Variants in MAF observed in about 807,000 individuals in gnomAD.
MAF encodes transcription factor Maf.
In MAF, 10 loss-of-function variants were observed where a neutral mutation model predicts 22.0. The observed-to-expected ratio is 0.45, with a 90% CI of 0.28 to 0.77. The LOEUF (loss-of-function observed/expected upper bound fraction) is 0.77, where lower values mean the gene tolerates loss of function less well. Ranked by LOEUF, MAF falls within the 30% of genes least tolerant of loss-of-function variation. The probability of loss-of-function intolerance (pLI) is 0.12; values close to 1 mark genes in which losing one functional copy is unlikely to be tolerated. For synonymous variants in MAF, 337 were observed against 255.8 expected (o/e 1.32, Z -3.03); for missense variants, 544 against 548.4 (o/e 0.99, Z 0.08).
At chr16:79,350,319 T>C in the MAF span, among the ~76,000 whole-genome samples, 1 of 152,206 alleles carries the variant, frequency 6.6e-6, no homozygotes, top group Non-Finnish European at 1.5e-5. Flanking sequence ...CTGACTCATA[T>C]AGAACAATCC....
the MAF span, among the ~76,000 whole-genome samples, chr16:79,293,543 ATGAG>A: frequency 6.6e-6 from 1 of 152,156 alleles, no homozygotes; most frequent in Non-Finnish European, 1.5e-5. Flanking sequence ...TGTTTGTCAA[ATGAG>A]TGATGCTAGA....
Position 79,594,383 on chromosome 16 carries a change from G to C in MAF, c.*77C>G. 1 of 1,259,044 alleles carries C rather than the reference G, an allele frequency of 7.9e-7. No homozygotes were observed. The highest frequency in any genetic ancestry group is 1.1e-6 in the Non-Finnish European group (1 of 881,330). 78.0% of individuals were successfully genotyped at this position (1,259,044 alleles called of 1,614,324 possible). ...TAAAAAGGAGACTAAACAGAAGTCAGGGGTAGGTGGTTCTCCATGACTGCA... is the reference window on the plus strand; with the variant it reads ...TAAAAAGGAGACTAAACAGAAGTCACGGGTAGGTGGTTCTCCATGACTGCA... On this transcript the variant is annotated 3_prime_UTR_variant, in exon 2 of 2. Coordinates refer to ENST00000326043, the MANE Select transcript of MAF (RefSeq NM_005360.5).
At chr16:79,515,258 A>G in the MAF span, among the ~76,000 whole-genome samples, 1 of 152,220 alleles carries the variant, frequency 6.6e-6, no homozygotes, top group Non-Finnish European at 1.5e-5. Flanking sequence ...ATAATTGTCT[A>G]TGCTGGCGAT....
chr16:79,257,060 T>C, the MAF span, among the ~76,000 whole-genome samples: 1 of 152,022 alleles, frequency 6.6e-6, no homozygotes, highest in Non-Finnish European at 1.5e-5. Flanking sequence ...GCCTGTAGTC[T>C]TGGTTACTCG....
At chr16:79,569,825 G>A in the MAF span, among the ~76,000 whole-genome samples, 1 of 152,212 alleles carries the variant, frequency 6.6e-6, no homozygotes, top group Non-Finnish European at 1.5e-5. Flanking sequence ...CACCAACCTA[G>A]AGGGAGCTGT....
chr16:79,452,477 G>A, the MAF span, among the ~76,000 whole-genome samples: 5 of 152,138 alleles, frequency 3.3e-5, no homozygotes, highest in African/African-American at 1.2e-4. Flanking sequence ...TCCACTGTGT[G>A]CATGCAAATA....
the MAF span, among the ~76,000 whole-genome samples, chr16:79,481,976 T>C: frequency 6.6e-6 from 1 of 152,054 alleles, no homozygotes; most frequent in African/African-American, 2.4e-5. Context: ...CACCCTGGAA[T>C]TGGGAGAGAC....
chr16:79,598,054 A>G, intron 1 of MAF: 3 of 1,044,822 alleles, frequency 2.9e-6, no homozygotes, highest in South Asian at 4.6e-5. Context: ...AATGCTAAAA[A>G]AAAAACCCGA....
chr16:79,498,097 C>G, the MAF span, among the ~76,000 whole-genome samples: 2,971 of 152,306 alleles, frequency 0.02, 41 homozygotes, highest in Non-Finnish European at 0.028. Context: ...CTGTGGGACT[C>G]TTTTGCAGAA....
the MAF span, among the ~76,000 whole-genome samples, chr16:79,470,812 C>G: frequency 6.6e-6 from 1 of 152,190 alleles, no homozygotes; most frequent in African/African-American, 2.4e-5. Flanking sequence ...GAATGGATGA[C>G]TGAAGTTTAG....
At chr16:79,391,856 G>C in the MAF span, among the ~76,000 whole-genome samples, 1 of 150,888 alleles carries the variant, frequency 6.6e-6, no homozygotes, top group Non-Finnish European at 1.5e-5. Flanking sequence ...GAAAGAGAGA[G>C]AAGAAGGAGG....
the MAF span, among the ~76,000 whole-genome samples, chr16:79,499,584 G>T: frequency 3.3e-5 from 5 of 152,104 alleles, no homozygotes; most frequent in South Asian, 4.1e-4. Flanking sequence ...CATGAATGGG[G>T]TTAGTGCCTT....
At chr16:79,481,537 C>A in the MAF span, among the ~76,000 whole-genome samples, 390 of 152,178 alleles carry the variant, frequency 2.6e-3, 1 homozygote, top group South Asian at 5.4e-3. Context: ...TCAAATTCAT[C>A]CACCCATTGA....
chr16:79,441,250 C>G, the MAF span, among the ~76,000 whole-genome samples: 1 of 152,230 alleles, frequency 6.6e-6, no homozygotes, highest in African/African-American at 2.4e-5. Flanking sequence ...TACCTAATTT[C>G]TAAATGTTAC....
intron 1 of MAF, chr16:79,596,339 A>T: frequency 9.4e-7 from 1 of 1,059,738 alleles, no homozygotes; most frequent in East Asian, 5.2e-5. Flanking sequence ...TCACTTCAAA[A>T]AACAGCCTAT....
chr16:79,211,666 GAGGGATGTACT>G, the MAF span: 1 of 1,614,208 alleles, frequency 6.2e-7, no homozygotes, highest in African/African-American at 1.3e-5. Flanking sequence ...GAGGGTCTGG[GAGGGATGTACT>G]TCAACAACTG....
At chr16:79,470,185 G>A in the MAF span, among the ~76,000 whole-genome samples, 38 of 152,316 alleles carry the variant, frequency 2.5e-4, no homozygotes, top group African/African-American at 7.9e-4. Flanking sequence ...TCACATGAGC[G>A]GCGGAGATAG....
the MAF span, among the ~76,000 whole-genome samples, chr16:79,367,800 A>G: frequency 6.6e-6 from 1 of 152,214 alleles, no homozygotes; most frequent in African/African-American, 2.4e-5. Flanking sequence ...AGCCTAGTAC[A>G]TTGTAGGCAC....
At chr16:79,263,924 G>C in the MAF span, among the ~76,000 whole-genome samples, 1 of 152,184 alleles carries the variant, frequency 6.6e-6, no homozygotes, top group African/African-American at 2.4e-5. Context: ...CTGGTCTCCT[G>C]AAAGACTGGT....
Sources: allele counts gnomAD v4.1 joint callset (sites outside exome capture counted in the v4.1 genomes callset), GRCh38; gene constraint gnomAD v4.1.1; transcripts MANE v1.5; gene names NCBI Gene and HGNC (gene_info 2026-07-23, HGNC 2026-07-21).